GLDC: variants seen among roughly 807,000 people sequenced by gnomAD.
GLDC encodes the protein glycine dehydrogenase (decarboxylating), mitochondrial.
In GLDC, 104 loss-of-function variants were observed where a neutral mutation model predicts 121.3. The ratio of observed to expected loss-of-function variants is 0.86; its 90% CI spans 0.73 to 1.01. The LOEUF is 1.01. Among genes scored for constraint, GLDC ranks in the 50% least tolerant of loss-of-function variants. The pLI is 0.00. For synonymous variants in GLDC, 546 were observed against 480.6 expected (o/e 1.14, Z -1.78); for missense variants, 1,429 against 1,306.6 (o/e 1.09, Z -1.44).
At chr9:6,603,716 C>A (rs1417815552) in intron 7 of GLDC, among the ~76,000 whole-genome samples, 1 of 129,166 alleles carries the variant, frequency 7.7e-6, no homozygotes, top group Non-Finnish European at 1.6e-5. Context: ...GTCCCCCGCT[C>A]CTTTTTTTTC....
rs1818315682 is a variant in GLDC at position 6,588,602 on chromosome 9, G to C, written c.1665+16C>G. 1.3e-6 allele frequency: 2 copies of C among 1,590,128 alleles called. No homozygotes were observed. Among genetic ancestry groups the C allele is most frequent in the African/African-American group, 2.7e-5 (2 of 74,410 alleles). On this transcript the variant is annotated intron_variant, in intron 13 of 24. Transcript: ENST00000321612. ...GGGGTAGCTTGGAAATGAGAAAAAA[G>C]GCCACAAATAACTACCAGTGGAATC... is the stretch of plus-strand genomic sequence containing the variant.
At chr9:6,623,761 A>G (rs1014008663) in intron 2 of GLDC, among the ~76,000 whole-genome samples, 1 of 152,222 alleles carries the variant, frequency 6.6e-6, no homozygotes, top group African/African-American at 2.4e-5. Flanking sequence ...AGTTTAGGAA[A>G]TAAGTAAAAA....
intron 16 of GLDC, among the ~76,000 whole-genome samples, chr9:6,563,223 C>T (rs909547176): frequency 6.6e-6 from 1 of 152,210 alleles, no homozygotes; most frequent in Non-Finnish European, 1.5e-5. Flanking sequence ...CAGTTTGGTC[C>T]CCAGCTGCTG....
intron 2 of GLDC, among the ~76,000 whole-genome samples, chr9:6,633,931 G>A (rs1183431313): frequency 1.4e-5 from 2 of 139,380 alleles, no homozygotes; most frequent in African/African-American, 2.7e-5. Flanking sequence ...CCGGGTTCAC[G>A]CCATTCTCCT....
intron 4 of GLDC, among the ~76,000 whole-genome samples, chr9:6,608,710 T>C (rs546868776): frequency 6.6e-5 from 10 of 152,114 alleles, no homozygotes; most frequent in South Asian, 6.2e-4. Context: ...CACGCCACTG[T>C]ACTCCAGCCC....
chr9:6,565,125 C>A (rs527536226), intron 16 of GLDC, among the ~76,000 whole-genome samples: 4 of 152,218 alleles, frequency 2.6e-5, no homozygotes, highest in Non-Finnish European at 5.9e-5. Context: ...CGTTTGCATT[C>A]TGGGTTTGAG....
chr9:6,593,212 T>C (rs1818412803), intron 9 of GLDC: 1 of 504,884 alleles, frequency 2.0e-6, no homozygotes, highest in African/African-American at 1.9e-5. Context: ...ACAATTGCAT[T>C]ACTGCGTGTA....
At chr9:6,570,854 C>CA (rs34740127) in intron 15 of GLDC, among the ~76,000 whole-genome samples, 58,954 of 99,328 alleles carry the variant, frequency 0.59, 15,426 homozygotes, top group Middle Eastern at 0.61. Flanking sequence ...AACTCTGTCT[C>CA]AAAAAAAAAA....
At chr9:6,533,317 AAG>A (rs1251794030) in intron 24 of GLDC, among the ~76,000 whole-genome samples, 157 bp from the exon 25 acceptor site, 1 of 152,158 alleles carries the variant, frequency 6.6e-6, no homozygotes, top group Non-Finnish European at 1.5e-5. Context: ...ATTTAAAAAA[AAG>A]AGGCATTTCC....
At chr9:6,560,388 C>A (rs961511352) in intron 16 of GLDC, among the ~76,000 whole-genome samples, 1 of 152,226 alleles carries the variant, frequency 6.6e-6, no homozygotes, top group Non-Finnish European at 1.5e-5. Flanking sequence ...ACTTTGCACT[C>A]TTCTACTGTC....
At chr9:6,543,342 G>C (rs530393659) in intron 21 of GLDC, among the ~76,000 whole-genome samples, 1 of 152,248 alleles carries the variant, frequency 6.6e-6, no homozygotes, top group African/African-American at 2.4e-5. Flanking sequence ...CTCACTGCTC[G>C]GAATGACACC....
intron 3 of GLDC, among the ~76,000 whole-genome samples, chr9:6,619,393 T>A (rs1819035012): frequency 6.6e-6 from 1 of 150,876 alleles, no homozygotes; most frequent in Non-Finnish European, 1.5e-5. Context: ...ATTTTGGGGG[T>A]GGGAGGGGAA....
chr9:6,555,875 G>A (rs1817616344), intron 18 of GLDC, among the ~76,000 whole-genome samples: 1 of 152,074 alleles, frequency 6.6e-6, no homozygotes, highest in Non-Finnish European at 1.5e-5. Flanking sequence ...CTCCTGCAGG[G>A]GCTCCCAACA....
intron 2 of GLDC, among the ~76,000 whole-genome samples, chr9:6,622,531 C>G (rs1161263677): frequency 6.6e-6 from 1 of 152,164 alleles, no homozygotes; most frequent in African/African-American, 2.4e-5. Flanking sequence ...GACAGAGTCT[C>G]GTTCACTCAG....
intron 2 of GLDC, among the ~76,000 whole-genome samples, chr9:6,627,835 G>C (rs1242863978): frequency 6.6e-6 from 1 of 152,158 alleles, no homozygotes; most frequent in Non-Finnish European, 1.5e-5. Flanking sequence ...ATACAGCCTA[G>C]TGAGTGTCTG....
At chr9:6,620,093 G>A in intron 3 of GLDC, 91 bp downstream of exon 3, 2 of 1,277,790 alleles carry the variant, frequency 1.6e-6, no homozygotes, top group South Asian at 2.4e-5. Flanking sequence ...GTGTCAGTGT[G>A]GAGGCTCTGA....
intron 24 of GLDC, 90 bp from the exon 25 acceptor site, chr9:6,533,250 A>T: frequency 9.7e-7 from 1 of 1,034,416 alleles, no homozygotes; most frequent in Non-Finnish European, 1.5e-6. Context: ...CCCACAACCT[A>T]AGACACCATC....
At position 6,602,141 on chromosome 9, in the gene GLDC, C is replaced by A. The variant is rs757089930; in HGVS notation, c.1123G>T (p.Asp375Tyr). ...GTACAGATGTTGCTGGTAGCCTTGT[C>A]TCTCCGAATGTGTTGCTCCCTGGTT... ...LQTREQHIRR[D>Y]KATSNICTAQ... is the part of the protein sequence containing the mutation. The change falls in exon 8 of 25, where the codon GAC becomes TAC. Residue 375 changes from aspartate (D) to tyrosine (Y), a missense_variant. Asp to Tyr is a radical substitution (Grantham distance 160, BLOSUM62 -3). Coordinates refer to ENST00000321612, the MANE Select transcript of GLDC (RefSeq NM_000170.3). 1 of 1,613,136 alleles carries A rather than the reference C, an allele frequency of 6.2e-7. No homozygotes were observed. The highest frequency in any genetic ancestry group is 8.5e-7 in the Non-Finnish European group (1 of 1,179,132).
chr9:6,579,378 G>A (rs1009262526), intron 15 of GLDC, among the ~76,000 whole-genome samples: 1 of 151,852 alleles, frequency 6.6e-6, no homozygotes, highest in Non-Finnish European at 1.5e-5. Context: ...TGAATCTTCT[G>A]AATCTGTCTT....
Sources: gnomAD v4.1 joint callset for allele counts (sites outside exome capture counted in the v4.1 genomes callset) on GRCh38, gnomAD v4.1.1 for gene constraint, MANE v1.5 for transcripts, NCBI Gene and HGNC (gene_info 2026-07-23, HGNC 2026-07-21) for gene names.